The following TENM2 variants were observed in gnomAD, a reference collection of about 807,000 sequenced individuals.
The protein encoded by TENM2 is teneurin transmembrane protein 2, also known as teneurin-2.
A neutral mutation model predicts 245.2 loss-of-function variants in TENM2; 52 were observed. The observed-to-expected ratio is 0.21, with a 90% CI of 0.17 to 0.27. The LOEUF (loss-of-function observed/expected upper bound fraction) is 0.27, where lower values mean the gene tolerates loss of function less well. TENM2 is among the 10% of genes least tolerant of loss of function. The pLI is 1.00. For synonymous variants in TENM2, 1,363 were observed against 1,438.9 expected, an observed-to-expected ratio of 0.95 and a Z score of 1.19; for missense variants, 3,046 against 3,666.8, an observed-to-expected ratio of 0.83 and a Z score of 4.37.
chr5:167,712,976 G>T (rs778770281), intron 2 of TENM2, among the ~76,000 whole-genome samples: 1 of 152,134 alleles, frequency 6.6e-6, no homozygotes, highest in Admixed American at 6.5e-5. Flanking sequence ...CCAAGACAGA[G>T]CCCAGACAAA....
At chr5:167,875,408 G>A (rs1773336739) in intron 2 of TENM2, among the ~76,000 whole-genome samples, 1 of 152,152 alleles carries the variant, frequency 6.6e-6, no homozygotes, top group African/African-American at 2.4e-5. Context: ...AGTCGTAAGT[G>A]TTACTATGAG....
chr5:167,733,849 G>A (rs1044853284), intron 2 of TENM2, among the ~76,000 whole-genome samples: 1 of 151,326 alleles, frequency 6.6e-6, no homozygotes, highest in Non-Finnish European at 1.5e-5. Flanking sequence ...GTATATATGT[G>A]CCAGTCACTC....
intron 7 of TENM2, among the ~76,000 whole-genome samples, chr5:168,072,775 G>A (rs575636446): frequency 6.6e-6 from 1 of 152,174 alleles, no homozygotes; most frequent in African/African-American, 2.4e-5. Context: ...GAAATGGTAA[G>A]CACCCCATGG....
intron 3 of TENM2, among the ~76,000 whole-genome samples, chr5:167,907,211 A>G (rs1313611784): frequency 6.6e-6 from 1 of 151,622 alleles, no homozygotes. Flanking sequence ...CAGCCTGTGC[A>G]AAAAGAGTGA....
intron 2 of TENM2, among the ~76,000 whole-genome samples, chr5:167,727,584 C>CTTTT (rs1760116106): frequency 6.6e-6 from 1 of 152,194 alleles, no homozygotes; most frequent in Non-Finnish European, 1.5e-5. Context: ...TTCATGTTCA[C>CTTTT]CTTGATCTAC....
At chr5:167,213,168 T>G in the TENM2 span, among the ~76,000 whole-genome samples, 1 of 152,252 alleles carries the variant, frequency 6.6e-6, no homozygotes, top group Non-Finnish European at 1.5e-5. Flanking sequence ...ATTTTGGTAA[T>G]TATTGCTATG....
the TENM2 span, among the ~76,000 whole-genome samples, chr5:167,082,319 C>G: frequency 8.5e-5 from 13 of 152,148 alleles, no homozygotes; most frequent in Middle Eastern, 3.4e-3. Flanking sequence ...GAGTCTCACT[C>G]TGTCGCTCAG....
intron 2 of TENM2, among the ~76,000 whole-genome samples, chr5:167,712,088 A>G (rs1212757675): frequency 6.6e-6 from 1 of 152,178 alleles, no homozygotes; most frequent in Non-Finnish European, 1.5e-5. Flanking sequence ...CCTCATCTTT[A>G]TCTCAGGACA....
chr5:167,892,838 A>T (rs1331541577), intron 3 of TENM2, among the ~76,000 whole-genome samples: 1 of 152,200 alleles, frequency 6.6e-6, no homozygotes, highest in Non-Finnish European at 1.5e-5. Context: ...TATAACACAG[A>T]GATAATTATA....
chr5:167,109,041 G>A, the TENM2 span, among the ~76,000 whole-genome samples: 1 of 152,044 alleles, frequency 6.6e-6, no homozygotes, highest in African/African-American at 2.4e-5. Flanking sequence ...TAATGAAAAG[G>A]CAATTAACGT....
At chr5:168,128,673 C>T (rs760945049) in intron 12 of TENM2, among the ~76,000 whole-genome samples, 7 of 152,260 alleles carry the variant, frequency 4.6e-5, no homozygotes, top group Non-Finnish European at 1.0e-4. Context: ...GAGCAGGAGT[C>T]GCCAAACTAC....
the TENM2 span, among the ~76,000 whole-genome samples, chr5:167,050,995 C>G: frequency 6.6e-6 from 1 of 152,192 alleles, no homozygotes; most frequent in Non-Finnish European, 1.5e-5. Context: ...CTGACTCATT[C>G]TATGAATTCG....
At chr5:167,629,264 T>C (rs748167597) in intron 2 of TENM2, among the ~76,000 whole-genome samples, 1 of 152,178 alleles carries the variant, frequency 6.6e-6, no homozygotes, top group Non-Finnish European at 1.5e-5. Context: ...TGACATTAGG[T>C]GAATTTCTTA....
intron 2 of TENM2, among the ~76,000 whole-genome samples, chr5:167,806,377 C>A (rs1766171435): frequency 2.6e-5 from 4 of 151,892 alleles, no homozygotes; most frequent in Non-Finnish European, 1.5e-5. Context: ...GAGAGCATCT[C>A]AACTAAGGTC....
intron 5 of TENM2, among the ~76,000 whole-genome samples, chr5:168,003,194 C>T (rs570269516): frequency 6.6e-6 from 1 of 152,012 alleles, no homozygotes; most frequent in Non-Finnish European, 1.5e-5. Flanking sequence ...AGGGTCTAAC[C>T]AATGTACAAT....
chr5:167,157,937 G>A, the TENM2 span, among the ~76,000 whole-genome samples: 64 of 152,172 alleles, frequency 4.2e-4, no homozygotes, highest in Admixed American at 4.1e-3. Flanking sequence ...AAGAAGAGAA[G>A]AATTCAGCAG....
At chr5:167,729,799 G>A (rs983217253) in intron 2 of TENM2, among the ~76,000 whole-genome samples, 1 of 152,182 alleles carries the variant, frequency 6.6e-6, no homozygotes, top group Admixed American at 6.5e-5. Flanking sequence ...AGAAAATCAG[G>A]ATAGTTCTCC....
chr5:168,217,013 T>C, intron 22 of TENM2, 91 bp downstream of exon 24: 1 of 1,416,660 alleles, frequency 7.1e-7, no homozygotes. Context: ...GGAAGTGGAA[T>C]GGGAGGGAGA....
intron 3 of TENM2, among the ~76,000 whole-genome samples, chr5:167,919,352 A>G (rs958264386): frequency 6.6e-6 from 1 of 152,090 alleles, no homozygotes; most frequent in African/African-American, 2.4e-5. Context: ...TTGCTTTTCC[A>G]GTTAGTTTAT....
Sources: gnomAD v4.1 joint callset for allele counts (sites outside exome capture counted in the v4.1 genomes callset) on GRCh38, gnomAD v4.1.1 for gene constraint, MANE v1.5 for transcripts, NCBI Gene and HGNC (gene_info 2026-07-23, HGNC 2026-07-21) for gene names.